The following TBXAS1 variants were observed in gnomAD, a reference collection of about 807,000 sequenced individuals.
TBXAS1 encodes thromboxane-A synthase.
Under a neutral mutation model 60.7 loss-of-function variants are expected in TBXAS1, and 48 were observed. The ratio of observed to expected loss-of-function variants is 0.79; its 90% CI spans 0.63 to 1.01. The LOEUF is 1.01. TBXAS1 is among the 50% of genes least tolerant of loss of function. The pLI is 0.00. For missense variants in TBXAS1, 685 were observed against 686.3 expected (o/e 1.00, Z 0.02); for synonymous variants, 287 against 269.7 (o/e 1.06, Z -0.63).
At chr7:139,813,749 A>G (rs1434785794) in intron 4 of TBXAS1, among the ~76,000 whole-genome samples, 16 of 152,178 alleles carry the variant, frequency 1.1e-4, no homozygotes, top group Admixed American at 1.0e-3. Context: ...GCATTAAGAA[A>G]TACTAGGTTC....
At chr7:139,840,840 G>A (rs993932534) in intron 1 of TBXAS1, among the ~76,000 whole-genome samples, 1 of 152,206 alleles carries the variant, frequency 6.6e-6, no homozygotes, top group Non-Finnish European at 1.5e-5. Flanking sequence ...GCAAGAGAGC[G>A]CCTCGGAGGT....
intron 4 of TBXAS1, among the ~76,000 whole-genome samples, chr7:139,791,416 C>T (rs1797377835): frequency 6.6e-6 from 1 of 152,164 alleles, no homozygotes; most frequent in South Asian, 2.1e-4. Flanking sequence ...TTTTACGGGC[C>T]AGGCCTAGGT....
At chr7:139,955,389 T>C in intron 6 of TBXAS1, 70 bp from the exon 7 acceptor site, 1 of 1,595,098 alleles carries the variant, frequency 6.3e-7, no homozygotes, top group South Asian at 1.1e-5. Flanking sequence ...GCCCTCCTCC[T>C]CTGGAGGGGG....
rs754348867 is a variant in TBXAS1 at position 140,017,735 on chromosome 7, C to T, written c.1429C>T (p.Arg477Trp). The change falls in exon 12 of 13, where the codon CGG becomes TGG. Residue 477 changes from arginine to tryptophan, a missense_variant. Coordinates refer to ENST00000448866, the MANE Select transcript of TBXAS1 (RefSeq NM_001061.7). ...FTYLPFGAGP[R>W]SCLGVRLGLL... ...GTACCTGCCCTTCGGGGCCGGCCCA[C>T]GGAGCTGCCTCGGGGTGCGTCTAGG... is the stretch of plus-strand genomic sequence containing the variant. 2.5e-6 allele frequency: 4 copies of T among 1,614,030 alleles called. No individual in the cohort carries two copies. Among genetic ancestry groups the T allele is most frequent in the Admixed American group, 1.7e-5 (1 of 60,018 alleles).
intron 4 of TBXAS1, among the ~76,000 whole-genome samples, chr7:139,804,467 G>C (rs1010417016): frequency 3.9e-5 from 6 of 152,186 alleles, no homozygotes; most frequent in Admixed American, 3.3e-4. Context: ...GTTAATGCTG[G>C]AATAAGTTAA....
At chr7:139,863,064 A>G (rs1801081536) in intron 1 of TBXAS1, among the ~76,000 whole-genome samples, 1 of 152,208 alleles carries the variant, frequency 6.6e-6, no homozygotes, top group Non-Finnish European at 1.5e-5. Context: ...AATCAGTAAT[A>G]TAAGAATGGT....
At chr7:139,923,175 T>TAA (rs1569514113) in intron 4 of TBXAS1, among the ~76,000 whole-genome samples, 1 of 151,808 alleles carries the variant, frequency 6.6e-6, no homozygotes, top group Non-Finnish European at 1.5e-5. Flanking sequence ...TATATATATA[T>TAA]AATTAGCCAG....
intron 1 of TBXAS1, among the ~76,000 whole-genome samples, chr7:139,845,124 A>G (rs1440251085): frequency 1.3e-5 from 2 of 152,102 alleles, no homozygotes; most frequent in African/African-American, 4.8e-5. Context: ...GAGGACTTCA[A>G]AATCACTCCT....
intron 3 of TBXAS1, 24 bp downstream of exon 3, chr7:139,875,661 T>C: frequency 6.2e-7 from 1 of 1,613,846 alleles, no homozygotes. Flanking sequence ...TCAACGTTTC[T>C]ATTATGTACG....
At chr7:140,002,729 G>T (rs536605538) in intron 9 of TBXAS1, among the ~76,000 whole-genome samples, 28 of 152,330 alleles carry the variant, frequency 1.8e-4, no homozygotes, top group African/African-American at 6.7e-4. Flanking sequence ...CATTAGGACA[G>T]CCAGGGGGCT....
chr7:139,886,229 C>T (rs1352772373), intron 3 of TBXAS1, among the ~76,000 whole-genome samples: 1 of 152,102 alleles, frequency 6.6e-6, no homozygotes, highest in Non-Finnish European at 1.5e-5. Context: ...TCCTCCATCT[C>T]ACCCTCAAGC....
intron 9 of TBXAS1, among the ~76,000 whole-genome samples, chr7:139,984,770 AAG>A (rs748873257): frequency 5.8e-5 from 4 of 68,660 alleles, no homozygotes; most frequent in Non-Finnish European, 1.2e-4. Context: ...GAAAGCAGGA[AAG>A]AAAGAAAGAA....
chr7:139,989,041 G>A (rs763164564), intron 9 of TBXAS1, among the ~76,000 whole-genome samples: 19 of 152,196 alleles, frequency 1.2e-4, no homozygotes, highest in Non-Finnish European at 2.4e-4. Context: ...GGGAGGCAGC[G>A]CATTGCAGGG....
At chr7:139,981,368 G>A (rs541569213) in intron 9 of TBXAS1, among the ~76,000 whole-genome samples, 9 of 152,154 alleles carry the variant, frequency 5.9e-5, no homozygotes, top group African/African-American at 2.2e-4. Flanking sequence ...CGCCTGCGTC[G>A]GCCTCCCAGA....
At chr7:139,987,444 C>A (rs962556984) in intron 9 of TBXAS1, among the ~76,000 whole-genome samples, 4 of 152,182 alleles carry the variant, frequency 2.6e-5, no homozygotes, top group African/African-American at 9.7e-5. Flanking sequence ...GACTGGCCGA[C>A]AGCTCTGTTC....
intron 4 of TBXAS1, among the ~76,000 whole-genome samples, chr7:139,920,559 G>C (rs1569513806): frequency 6.6e-6 from 1 of 152,232 alleles, no homozygotes; most frequent in Non-Finnish European, 1.5e-5. Context: ...AAGGAAGGCA[G>C]TGTGATCATC....
rs558799267 is a variant in TBXAS1 at position 139,925,660 on chromosome 7, G to A, written c.334-10531G>A. ...TTCATTCTCTTGACTGATTACTCTA[G>A]CCAGGACTTCCAGTACTATGTTGAA... is the stretch of plus-strand genomic sequence containing the variant. On this transcript the variant is annotated intron_variant, in intron 4 of 12. Transcript: ENST00000448866. Among the ~76,000 whole-genome samples, 166 of 152,186 alleles carry A rather than the reference G, an allele frequency of 1.1e-3. 2 individuals are homozygous for A. The Middle Eastern group carries it at 0.014, about 12-fold the overall frequency.
chr7:139,990,889 C>T (rs924824575), intron 9 of TBXAS1, among the ~76,000 whole-genome samples: 3 of 152,218 alleles, frequency 2.0e-5, no homozygotes, highest in African/African-American at 7.2e-5. Context: ...AGTGTGTCCC[C>T]ACCTTCAGGC....
chr7:139,870,764 G>T (rs1400178119), intron 1 of TBXAS1, among the ~76,000 whole-genome samples: 1 of 152,160 alleles, frequency 6.6e-6, no homozygotes, highest in East Asian at 1.9e-4. Context: ...TTCCCGTTCT[G>T]CCCTGGTTCT....
Sources: gnomAD v4.1 joint callset for allele counts (sites outside exome capture counted in the v4.1 genomes callset) on GRCh38, gnomAD v4.1.1 for gene constraint, MANE v1.5 for transcripts, NCBI Gene and HGNC (gene_info 2026-07-23, HGNC 2026-07-21) for gene names.